The following DENND5B variants were observed in gnomAD, a reference collection of about 807,000 sequenced individuals.
The protein encoded by DENND5B is DENN domain containing 5B, also known as DENN domain-containing protein 5B.
In DENND5B, 34 loss-of-function variants were observed where a neutral mutation model predicts 140.6. The ratio of observed to expected loss-of-function variants is 0.24; its 90% CI spans 0.18 to 0.32. The LOEUF is 0.32. DENND5B is among the 10% of genes least tolerant of loss of function. DENND5B has a pLI of 1.00. For missense variants in DENND5B, 1,142 were observed against 1,560.2 expected (o/e 0.73, Z 4.52); for synonymous variants, 551 against 562.1 (o/e 0.98, Z 0.28).
intron 17 of DENND5B, 89 bp downstream of exon 17, chr12:31,398,086 C>G: frequency 1.6e-6 from 2 of 1,244,026 alleles, no homozygotes; most frequent in South Asian, 3.2e-5. Context: ...AATCTCCTCA[C>G]TACATTCATT....
intron 1 of DENND5B, among the ~76,000 whole-genome samples, chr12:31,541,394 A>G (rs1207574285): frequency 2.0e-5 from 3 of 152,206 alleles, no homozygotes; most frequent in African/African-American, 7.2e-5. Flanking sequence ...AATGGGCAAA[A>G]TATCTGAATA....
intron 19 of DENND5B, 105 bp from the exon 20 acceptor site, chr12:31,389,603 C>T (rs1941021675): frequency 8.8e-7 from 1 of 1,134,238 alleles, no homozygotes; most frequent in Admixed American, 2.4e-5. Context: ...GCTTTGCATA[C>T]AGTCAGTCCT....
intron 20 of DENND5B, 131 bp from the exon 21 acceptor site, chr12:31,387,917 GGA>G (rs900107297): frequency 3.4e-6 from 3 of 890,762 alleles, no homozygotes; most frequent in Non-Finnish European, 4.9e-6. Flanking sequence ...TAAGAGGTCA[GGA>G]GAGAGGAAAT....
chr12:31,576,529 G>A (rs747388736), intron 1 of DENND5B, among the ~76,000 whole-genome samples: 3 of 148,242 alleles, frequency 2.0e-5, no homozygotes, highest in Non-Finnish European at 4.4e-5. Context: ...AAGAAAAAAA[G>A]AAATTTCCCA....
intron 3 of DENND5B, among the ~76,000 whole-genome samples, chr12:31,470,281 ACT>A (rs987269776): frequency 2.0e-5 from 3 of 150,602 alleles, no homozygotes; most frequent in Admixed American, 1.3e-4. Context: ...CGCCTGGGTA[ACT>A]CTGTATTTTT....
At chr12:31,495,111 T>C (rs2138734844) in intron 2 of DENND5B, among the ~76,000 whole-genome samples, 1 of 152,330 alleles carries the variant, frequency 6.6e-6, no homozygotes, top group South Asian at 2.1e-4. Context: ...TGACAAATTA[T>C]AGGCCTACCA....
chr12:31,551,759 C>A (rs1949070412), intron 1 of DENND5B, among the ~76,000 whole-genome samples: 1 of 152,166 alleles, frequency 6.6e-6, no homozygotes, highest in African/African-American at 2.4e-5. Flanking sequence ...GTTTGTAGTT[C>A]TCCTTGAAGA....
chr12:31,557,059 T>C (rs1336512179), intron 1 of DENND5B, among the ~76,000 whole-genome samples: 3 of 152,248 alleles, frequency 2.0e-5, no homozygotes, highest in Admixed American at 1.3e-4. Flanking sequence ...CATGGTATTC[T>C]AGATAATGTA....
At chr12:31,534,850 G>T in intron 1 of DENND5B, 1 of 454,286 alleles carries the variant, frequency 2.2e-6, no homozygotes. Flanking sequence ...GGTTCATCAG[G>T]AGGAGTTCTA....
intron 11 of DENND5B, among the ~76,000 whole-genome samples, chr12:31,422,480 A>AAGG (rs1235185146): frequency 6.6e-6 from 1 of 151,984 alleles, no homozygotes; most frequent in Non-Finnish European, 1.5e-5. Flanking sequence ...ATGCACCTGT[A>AAGG]ATCCCAGCTA....
At chr12:31,584,279 C>T (rs1193234320) in intron 1 of DENND5B, among the ~76,000 whole-genome samples, 1 of 152,214 alleles carries the variant, frequency 6.6e-6, no homozygotes, top group African/African-American at 2.4e-5. Context: ...GTCTCACCCT[C>T]TTCCCCTCCC....
At chr12:31,568,839 G>A (rs896631173) in intron 1 of DENND5B, among the ~76,000 whole-genome samples, 1 of 152,096 alleles carries the variant, frequency 6.6e-6, no homozygotes, top group African/African-American at 2.4e-5. Flanking sequence ...AACTGATAGA[G>A]AACTCCAAAG....
intron 1 of DENND5B, among the ~76,000 whole-genome samples, chr12:31,542,792 T>C (rs1173133460): frequency 2.6e-5 from 4 of 151,924 alleles, no homozygotes; most frequent in Non-Finnish European, 4.4e-5. Context: ...CCCATCTCTA[T>C]GAAAAAATAT....
rs147853197 is a variant in DENND5B at position 31,499,696 on chromosome 12, A to G, written c.128-3777T>C. 922 of 1,429,360 alleles carry G rather than the reference A, an allele frequency of 6.5e-4. 4 individuals carry two copies. The African/African-American group carries it at 0.011, about 18-fold the overall frequency. 88.5% of individuals were successfully genotyped at this position (1,429,360 alleles called of 1,614,324 possible). A position where few individuals can be genotyped will look rare whatever the true frequency, so the allele number is the denominator to read the frequency against. Reference sequence around the variant, plus strand: ...ACTACATAATGTAACAGAAACAAAAAAGCTTTATGAACAAATAAAAACAAA... The same window carrying G: ...ACTACATAATGTAACAGAAACAAAAGAGCTTTATGAACAAATAAAAACAAA... On this transcript the variant is annotated intron_variant, in intron 1 of 20. Transcript: ENST00000389082.
chr12:31,402,070 CAAA>C (rs147304148), intron 15 of DENND5B, among the ~76,000 whole-genome samples: 7 of 119,824 alleles, frequency 5.8e-5, no homozygotes, highest in Admixed American at 8.8e-5. Context: ...GATTCCGTCT[CAAA>C]AAAAAAAAAA....
At chr12:31,402,822 T>C (rs1339634343) in intron 14 of DENND5B, among the ~76,000 whole-genome samples, 179 bp from the exon 15 acceptor site, 1 of 152,158 alleles carries the variant, frequency 6.6e-6, no homozygotes, top group Non-Finnish European at 1.5e-5. Context: ...GAGATCTAGT[T>C]TGCAAACCAG....
chr12:31,422,417 G>A (rs924780269), intron 11 of DENND5B, among the ~76,000 whole-genome samples: 1 of 150,912 alleles, frequency 6.6e-6, no homozygotes, highest in Non-Finnish European at 1.5e-5. Flanking sequence ...GCGACACAGC[G>A]AGACTGTGTC....
At chr12:31,402,860 T>C (rs1392481532) in intron 14 of DENND5B, among the ~76,000 whole-genome samples, 1 of 152,154 alleles carries the variant, frequency 6.6e-6, no homozygotes, top group Non-Finnish European at 1.5e-5. Context: ...GCAGTGGTTT[T>C]CACAGCATGT....
At chr12:31,497,573 A>G (rs1172505746) in intron 1 of DENND5B, among the ~76,000 whole-genome samples, 1 of 151,434 alleles carries the variant, frequency 6.6e-6, no homozygotes, top group Admixed American at 6.6e-5. Flanking sequence ...TGATGTTTTT[A>G]AGCTGATGCT....
Sources: gnomAD v4.1 joint callset for allele counts (sites outside exome capture counted in the v4.1 genomes callset) on GRCh38, gnomAD v4.1.1 for gene constraint, MANE v1.5 for transcripts, NCBI Gene and HGNC (gene_info 2026-07-23, HGNC 2026-07-21) for gene names.